Variants in ADGB observed in about 807,000 individuals in gnomAD.
ADGB encodes the protein calpain-7-like protein.
A neutral mutation model predicts 210.5 loss-of-function variants in ADGB; 172 were observed. That is an observed-to-expected ratio of 0.82 (90% confidence interval 0.72 to 0.93). The LOEUF (loss-of-function observed/expected upper bound fraction) is 0.93, where lower values mean the gene tolerates loss of function less well. ADGB is among the 40% of genes least tolerant of loss of function. The pLI is 0.00. For synonymous variants in ADGB, 658 were observed against 662.7 expected (o/e 0.99, Z 0.11); for missense variants, 2,025 against 1,964.8 (o/e 1.03, Z -0.58).
chr6:146,814,831 T>C (rs999985787), intron 35 of ADGB, among the ~76,000 whole-genome samples: 37 of 152,226 alleles, frequency 2.4e-4, no homozygotes, highest in East Asian at 1.9e-4. Context: ...TTTGCCATAC[T>C]GTGTTAAAAT....
At chr6:146,652,373 G>A (rs1436673823) in intron 3 of ADGB, among the ~76,000 whole-genome samples, 2 of 152,130 alleles carry the variant, frequency 1.3e-5, no homozygotes, top group African/African-American at 4.8e-5. Context: ...ATGATCTGCA[G>A]AGTCAATTCA....
chr6:146,661,203 C>CT (rs200186186), intron 5 of ADGB, among the ~76,000 whole-genome samples: 3 of 137,192 alleles, frequency 2.2e-5, no homozygotes, highest in South Asian at 2.4e-4. Context: ...TTTTCCTTTA[C>CT]TTTTTTTTCT....
chr6:146,606,898 C>G (rs767789358), intron 1 of ADGB, among the ~76,000 whole-genome samples: 7 of 152,068 alleles, frequency 4.6e-5, no homozygotes, highest in Non-Finnish European at 1.0e-4. Flanking sequence ...TTTTTCCGTT[C>G]CATATGAATT....
At chr6:146,599,140 C>G in intron 1 of ADGB, 26 bp downstream of exon 1, 1 of 1,544,520 alleles carries the variant, frequency 6.5e-7, no homozygotes, top group Non-Finnish European at 8.8e-7. Context: ...CTGTCCGTCC[C>G]TCCCCTGGCC....
rs569269052 is a variant in ADGB at position 146,766,916 on chromosome 6, G to A, written c.3751-2104G>A. Among the ~76,000 whole-genome samples, 11 of 152,158 alleles carry A rather than the reference G, an allele frequency of 7.2e-5. No homozygotes were observed. The East Asian group carries it at 2.1e-3, about 29-fold the overall frequency. On this transcript the variant is annotated intron_variant, in intron 28 of 35. Transcript: ENST00000397944. The stretch of plus-strand genomic sequence containing the variant: ...GAAATTCAGAAATCTTTTACCATTG[G>A]AAAATCTATCAGTATTAGTCACTAC...
rs187156837 is a variant in ADGB, at chr6:146,675,700, G to A, written c.1088-613G>A. Among the ~76,000 whole-genome samples the A allele has an allele frequency of 2.6e-5, 4 of 152,198 alleles. No homozygotes were observed. The East Asian group carries it at 7.8e-4, about 29-fold the overall frequency. On this transcript the variant is annotated intron_variant, in intron 8 of 35. Coordinates refer to ENST00000397944, the MANE Select transcript of ADGB (RefSeq NM_024694.4). ...GTTAGGGAATTAAAAAAATCTTTGA[G>A]AAAAGTATTTTAGGTTGAAGAAGAA... is the stretch of plus-strand genomic sequence containing the variant.
At chr6:146,806,186 A>T (rs531458925) in intron 35 of ADGB, among the ~76,000 whole-genome samples, 6 of 152,330 alleles carry the variant, frequency 3.9e-5, no homozygotes, top group African/African-American at 1.2e-4. Context: ...GCAGATAGGA[A>T]ACGGGGAAAA....
chr6:146,708,575 T>G (rs1184198035), intron 13 of ADGB, among the ~76,000 whole-genome samples: 1 of 152,096 alleles, frequency 6.6e-6, no homozygotes, highest in Non-Finnish European at 1.5e-5. Context: ...TACTAAGAAA[T>G]TTGCTGAGAA....
At chr6:146,641,194 C>G (rs1378510480) in intron 2 of ADGB, among the ~76,000 whole-genome samples, 1 of 151,854 alleles carries the variant, frequency 6.6e-6, no homozygotes, top group Non-Finnish European at 1.5e-5. Flanking sequence ...CCTAGGAATT[C>G]AGCCAACCAG....
At chr6:146,719,344 T>C (rs1296009305) in intron 16 of ADGB, among the ~76,000 whole-genome samples, 1 of 152,258 alleles carries the variant, frequency 6.6e-6, no homozygotes, top group East Asian at 1.9e-4. Flanking sequence ...TCTGATCTTA[T>C]TCTTATGAAG....
intron 13 of ADGB, among the ~76,000 whole-genome samples, chr6:146,715,037 A>C (rs1776713356): frequency 6.6e-6 from 1 of 152,202 alleles, no homozygotes; most frequent in Non-Finnish European, 1.5e-5. Flanking sequence ...TAATCTTATT[A>C]AGTTATCTAT....
intron 27 of ADGB, among the ~76,000 whole-genome samples, chr6:146,756,875 G>A (rs929469217): frequency 6.6e-6 from 1 of 151,628 alleles, no homozygotes; most frequent in Non-Finnish European, 1.5e-5. Flanking sequence ...TTACAGGTGC[G>A]TGACACCACA....
chr6:146,739,654 T>C (rs1424443164), intron 23 of ADGB, among the ~76,000 whole-genome samples: 1 of 152,184 alleles, frequency 6.6e-6, no homozygotes, highest in Non-Finnish European at 1.5e-5. Flanking sequence ...ATCTGCCTTC[T>C]GGAAGACAAG....
At chr6:146,748,133 A>G (rs1777268812) in intron 26 of ADGB, among the ~76,000 whole-genome samples, 1 of 152,070 alleles carries the variant, frequency 6.6e-6, no homozygotes, top group African/African-American at 2.4e-5. Flanking sequence ...TATTATTTTA[A>G]AATTATATTT....
At position 146,801,812 on chromosome 6, in the gene ADGB, T is replaced by C. The variant is rs529145850; in HGVS notation, c.4635-16T>C. The C allele has an allele frequency of 1.5e-5, 23 of 1,518,098 alleles. No individual in the cohort carries two copies. The highest frequency in any genetic ancestry group is 1.4e-4 in the African/African-American group (10 of 71,256). 94.0% of individuals were successfully genotyped at this position (1,518,098 alleles called of 1,614,324 possible). On this transcript the variant is annotated splice_polypyrimidine_tract_variant and intron_variant, in intron 34 of 35. Transcript: ENST00000397944. The stretch of plus-strand genomic sequence containing the variant: ...CCCAAATGAAATCTGTATCTTTTGA[T>C]GACTTTTGTATCAAGGAAAACAGAT...
intron 1 of ADGB, among the ~76,000 whole-genome samples, chr6:146,619,825 G>C (rs1207377245): frequency 1.3e-5 from 2 of 152,012 alleles, no homozygotes; most frequent in Admixed American, 6.6e-5. Flanking sequence ...CCCAGTTACA[G>C]TTTTAGAATA....
chr6:146,645,115 G>A (rs1775588806), intron 3 of ADGB, among the ~76,000 whole-genome samples: 1 of 151,930 alleles, frequency 6.6e-6, no homozygotes, highest in African/African-American at 2.4e-5. Context: ...CCTCCAAAAT[G>A]CTAACTTATA....
At chr6:146,667,412 G>T (rs1775951186) in intron 7 of ADGB, among the ~76,000 whole-genome samples, 1 of 151,988 alleles carries the variant, frequency 6.6e-6, no homozygotes, top group South Asian at 2.1e-4. Context: ...GTTCTCTCTG[G>T]CACAAGGGAG....
At chr6:146,777,771 G>A (rs1250710357) in intron 29 of ADGB, among the ~76,000 whole-genome samples, 2 of 152,176 alleles carry the variant, frequency 1.3e-5, no homozygotes, top group African/African-American at 4.8e-5. Flanking sequence ...AGGGAAAACT[G>A]TAGCAACTTC....
Sources: gnomAD v4.1 joint callset for allele counts (sites outside exome capture counted in the v4.1 genomes callset) on GRCh38, gnomAD v4.1.1 for gene constraint, MANE v1.5 for transcripts, NCBI Gene and HGNC (gene_info 2026-07-23, HGNC 2026-07-21) for gene names.